SH3KBP1: variants seen among roughly 807,000 people sequenced by gnomAD.
SH3KBP1 encodes the protein SH3 domain-containing kinase-binding protein 1.
SH3KBP1 carries 8 observed loss-of-function variants against 50.1 expected under a neutral mutation model. The observed-to-expected ratio is 0.16, with a 90% CI of 0.09 to 0.29. The LOEUF (loss-of-function observed/expected upper bound fraction) is 0.29. SH3KBP1 is among the 10% of genes least tolerant of loss of function. The pLI is 1.00. For missense variants in SH3KBP1, 377 were observed against 535.2 expected, an observed-to-expected ratio of 0.70 and a Z score of 2.92; for synonymous variants, 227 against 218.6, an observed-to-expected ratio of 1.04 and a Z score of -0.34.
At chrX:19,827,949 CA>C (rs2067738478) in intron 2 of SH3KBP1, among the ~76,000 whole-genome samples, 1 of 108,684 alleles carries the variant, frequency 9.2e-6, no homozygotes, top group South Asian at 4.0e-4. Context: ...AGAAACTAGG[CA>C]AAAAAGATGA....
chrX:19,886,760 C>T (rs1437802896), intron 1 of SH3KBP1, among the ~76,000 whole-genome samples: 1 of 109,991 alleles, frequency 9.1e-6, no homozygotes, highest in African/African-American at 3.3e-5. Context: ...GTGCTCTGGA[C>T]CCCGGGACTG....
At chrX:19,688,485 C>A (rs1238671228) in intron 5 of SH3KBP1, among the ~76,000 whole-genome samples, 2 of 111,780 alleles carry the variant, frequency 1.8e-5, no homozygotes, top group Admixed American at 1.9e-4. Context: ...TTTGCTGTTA[C>A]AGGTAGAGAT....
intron 4 of SH3KBP1, among the ~76,000 whole-genome samples, chrX:19,702,864 T>G (rs1462273948): frequency 2.7e-5 from 3 of 112,328 alleles, no homozygotes; most frequent in Non-Finnish European, 5.6e-5. Context: ...CAGTGTGTAT[T>G]CACAATGATT....
intron 1 of SH3KBP1, among the ~76,000 whole-genome samples, chrX:19,842,866 C>T (rs1366767678): frequency 9.0e-6 from 1 of 111,102 alleles, no homozygotes; most frequent in African/African-American, 3.3e-5. Context: ...CCATCTTTCT[C>T]AGACCTGATC....
chrX:19,642,782 T>A (rs1377766280), intron 7 of SH3KBP1, among the ~76,000 whole-genome samples: 3 of 111,399 alleles, frequency 2.7e-5, no homozygotes, highest in Non-Finnish European at 5.7e-5. Flanking sequence ...GAGTTTCTGA[T>A]GAATTTCAAT....
At chrX:19,872,270 AAAAG>A (rs748207841) in intron 1 of SH3KBP1, among the ~76,000 whole-genome samples, 4,008 of 83,467 alleles carry the variant, frequency 0.048, 301 homozygotes, top group African/African-American at 0.17. Context: ...AAAAAAAAAA[AAAAG>A]AAAGAAAGAA....
chrX:19,736,045 T>C (rs912485451), intron 3 of SH3KBP1, among the ~76,000 whole-genome samples: 2 of 111,701 alleles, frequency 1.8e-5, no homozygotes, highest in Admixed American at 1.9e-4. Context: ...TTTTACAGCC[T>C]AGCATATGGT....
intron 2 of SH3KBP1, among the ~76,000 whole-genome samples, chrX:19,789,640 G>A (rs892894627): frequency 2.8e-5 from 3 of 108,457 alleles, no homozygotes; most frequent in Non-Finnish European, 5.8e-5. Flanking sequence ...ATTGGATTAA[G>A]GCCTACCCTA....
At chrX:19,817,693 G>C (rs1286128685) in intron 2 of SH3KBP1, among the ~76,000 whole-genome samples, 3 of 111,277 alleles carry the variant, frequency 2.7e-5, no homozygotes, top group African/African-American at 6.5e-5. Flanking sequence ...GGAGTACAGT[G>C]GTGAGATCTC....
At chrX:19,827,715 C>T (rs887684035) in intron 2 of SH3KBP1, among the ~76,000 whole-genome samples, 7 of 105,445 alleles carry the variant, frequency 6.6e-5, no homozygotes, top group Non-Finnish European at 1.2e-4. Flanking sequence ...AAAGAGTCCA[C>T]ATCTACCTGA....
intron 14 of SH3KBP1, among the ~76,000 whole-genome samples, chrX:19,547,564 C>T (rs1307561473): frequency 5.4e-5 from 6 of 112,090 alleles, no homozygotes; most frequent in African/African-American, 1.6e-4. Flanking sequence ...AACGTTTCCC[C>T]CACCACCAAG....
intron 6 of SH3KBP1, among the ~76,000 whole-genome samples, chrX:19,656,737 G>A (rs774571239): frequency 1.8e-5 from 2 of 111,844 alleles, no homozygotes; most frequent in African/African-American, 6.5e-5. Context: ...GTGTCGAAAC[G>A]TTTAGTGGAA....
At chrX:19,676,875 A>T (rs1468579976) in intron 6 of SH3KBP1, among the ~76,000 whole-genome samples, 1 of 112,231 alleles carries the variant, frequency 8.9e-6, no homozygotes, top group East Asian at 2.8e-4. Flanking sequence ...TACAAACACA[A>T]CGCCTTGTAG....
chrX:19,652,221 C>T (rs1369242042), intron 6 of SH3KBP1, among the ~76,000 whole-genome samples: 2 of 111,382 alleles, frequency 1.8e-5, no homozygotes, highest in Admixed American at 9.5e-5. Context: ...GGATGTCTTC[C>T]GGGGCCTCGG....
At chrX:19,553,930 TATATAATATATAATATATATTAAA>T (rs571134101) in intron 13 of SH3KBP1, among the ~76,000 whole-genome samples, 24 of 42,605 alleles carry the variant, frequency 5.6e-4, no homozygotes, top group African/African-American at 8.6e-4. Context: ...AATATTAAAA[TATATAATATATAATATATATTAAA>T]ATATAATATA....
At chrX:19,607,321 T>G (rs1190695720) in intron 9 of SH3KBP1, among the ~76,000 whole-genome samples, 1 of 112,613 alleles carries the variant, frequency 8.9e-6, no homozygotes, top group Non-Finnish European at 1.9e-5. Context: ...CAATATTTCT[T>G]ATTACATCGT....
intron 2 of SH3KBP1, among the ~76,000 whole-genome samples, chrX:19,826,984 G>C (rs187959419): frequency 8.9e-6 from 1 of 112,100 alleles, no homozygotes. Flanking sequence ...GAAGAACAAA[G>C]TAACTGTGAG....
At chrX:19,856,951 CTTTTTTTTTTTTT>C (rs758486199) in intron 1 of SH3KBP1, among the ~76,000 whole-genome samples, 5 of 20,049 alleles carry the variant, frequency 2.5e-4, no homozygotes, top group Non-Finnish European at 3.0e-4. Context: ...TAATACTAGT[CTTTTTTTTTTTTT>C]TTTTTTTTTT....
At chrX:19,869,608 G>A (rs768342406) in intron 1 of SH3KBP1, among the ~76,000 whole-genome samples, 21 of 112,510 alleles carry the variant, frequency 1.9e-4, no homozygotes, top group Non-Finnish European at 3.8e-4. Flanking sequence ...AAACAGCTAT[G>A]CTGTCTTGGG....
Sources: gnomAD v4.1 joint callset for allele counts (sites outside exome capture counted in the v4.1 genomes callset) on GRCh38, gnomAD v4.1.1 for gene constraint, MANE v1.5 for transcripts, NCBI Gene and HGNC (gene_info 2026-07-23, HGNC 2026-07-21) for gene names.